The following CDIN1 variants were observed in gnomAD, a reference collection of about 807,000 sequenced individuals.
The protein encoded by CDIN1 is CDAN1-interacting nuclease 1.
In CDIN1, 33 loss-of-function variants were observed where a neutral mutation model predicts 45.3. The observed-to-expected ratio is 0.73, with a 90% CI of 0.55 to 0.97. CDIN1 has a LOEUF of 0.97. Ranked by LOEUF, CDIN1 falls within the 50% of genes least tolerant of loss-of-function variation. The pLI is 0.00. For synonymous variants in CDIN1, 118 were observed against 124.4 expected (o/e 0.95, Z 0.34); for missense variants, 303 against 339.4 (o/e 0.89, Z 0.84).
intron 10 of CDIN1, among the ~76,000 whole-genome samples, chr15:36,745,216 TAA>T (rs1317813487): frequency 6.6e-6 from 1 of 151,518 alleles, no homozygotes; most frequent in Admixed American, 6.5e-5. Flanking sequence ...ATATTTATAT[TAA>T]GTTAAACACT....
intron 5 of CDIN1, among the ~76,000 whole-genome samples, chr15:36,686,706 C>A (rs560853851): frequency 6.6e-6 from 1 of 151,012 alleles, no homozygotes; most frequent in South Asian, 2.1e-4. Flanking sequence ...TAGTGAAACC[C>A]CGTCTCTACT....
intron 4 of CDIN1, among the ~76,000 whole-genome samples, chr15:36,655,846 G>A (rs2040762261): frequency 6.6e-6 from 1 of 152,068 alleles, no homozygotes; most frequent in African/African-American, 2.4e-5. Flanking sequence ...TTATATCATA[G>A]CAATTTATAT....
At chr15:36,733,150 T>C (rs987557033) in intron 10 of CDIN1, among the ~76,000 whole-genome samples, 15 of 152,104 alleles carry the variant, frequency 9.9e-5, no homozygotes, top group Non-Finnish European at 1.8e-4. Flanking sequence ...ATAAATCTTA[T>C]ATTTTAAGCT....
chr15:36,769,954 G>A (rs1192501002), intron 10 of CDIN1, among the ~76,000 whole-genome samples: 1 of 152,134 alleles, frequency 6.6e-6, no homozygotes, highest in African/African-American at 2.4e-5. Flanking sequence ...CTTATGAAAT[G>A]AACCTACAGG....
chr15:36,654,250 A>G (rs1452237912), intron 4 of CDIN1, 92 bp downstream of exon 4: 37 of 968,584 alleles, frequency 3.8e-5, no homozygotes, highest in Admixed American at 3.7e-4. Flanking sequence ...CTACCTTTGG[A>G]AAAAAAAAGG....
At chr15:36,663,228 T>A (rs2041094854) in intron 5 of CDIN1, among the ~76,000 whole-genome samples, 1 of 152,146 alleles carries the variant, frequency 6.6e-6, no homozygotes, top group Non-Finnish European at 1.5e-5. Context: ...TGGGGTTATA[T>A]GATGGAAGAT....
intron 1 of CDIN1, among the ~76,000 whole-genome samples, chr15:36,590,564 G>A (rs899035933): frequency 2.0e-5 from 3 of 152,122 alleles, no homozygotes; most frequent in Admixed American, 1.3e-4. Context: ...AGGTTGTCCT[G>A]GGAGTAGTCG....
intron 10 of CDIN1, among the ~76,000 whole-genome samples, chr15:36,800,907 G>GTATATATATATATATATATA (rs1282877205): frequency 5.4e-4 from 17 of 31,610 alleles, no homozygotes; most frequent in East Asian, 1.3e-3. Context: ...GTGTGTGTGT[G>GTATATATATATATATATATA]TGTATATATA....
At chr15:36,795,914 C>T (rs2054783013) in intron 10 of CDIN1, among the ~76,000 whole-genome samples, 1 of 152,030 alleles carries the variant, frequency 6.6e-6, no homozygotes, top group Non-Finnish European at 1.5e-5. Flanking sequence ...AATGGTTCTT[C>T]CTGCTCTCTA....
chr15:36,597,132 G>T lies in CDIN1; in HGVS notation c.101+17171G>T, dbSNP rs370743605. 2.0e-5 allele frequency among the ~76,000 whole-genome samples: 3 copies of T among 152,274 alleles called. No homozygotes were observed. In the East Asian group the frequency reaches 5.8e-4, roughly 29 times the overall value. On this transcript the variant is annotated intron_variant, in intron 1 of 10. Coordinates refer to ENST00000566621, the MANE Select transcript of CDIN1 (RefSeq NM_001321759.2). ...AATAAAATAAAATGTATGTGCCTAT[G>T]ACAGAGTTATTTTTATAATTGTTTA...
chr15:36,793,513 A>G (rs1202077210), intron 10 of CDIN1, among the ~76,000 whole-genome samples: 2 of 152,170 alleles, frequency 1.3e-5, no homozygotes, highest in Admixed American at 6.6e-5. Flanking sequence ...GGATTAGATA[A>G]ATTACTGTAC....
At chr15:36,586,816 T>C (rs1274340678) in intron 1 of CDIN1, among the ~76,000 whole-genome samples, 2 of 152,266 alleles carry the variant, frequency 1.3e-5, no homozygotes, top group African/African-American at 4.8e-5. Flanking sequence ...GTAACTAATT[T>C]TGGATAGCTT....
intron 7 of CDIN1, among the ~76,000 whole-genome samples, chr15:36,693,126 T>C (rs1248062357): frequency 6.6e-6 from 1 of 152,180 alleles, no homozygotes; most frequent in East Asian, 1.9e-4. Context: ...CGTGTACATG[T>C]ATGTGTTTAT....
At chr15:36,797,274 A>G (rs754930072) in intron 10 of CDIN1, among the ~76,000 whole-genome samples, 6 of 152,192 alleles carry the variant, frequency 3.9e-5, no homozygotes, top group African/African-American at 1.2e-4. Flanking sequence ...AATAAAACAG[A>G]TGAACCTGCT....
chr15:36,598,676 CCTTT>C (rs1351943269), intron 1 of CDIN1, among the ~76,000 whole-genome samples: 1 of 152,006 alleles, frequency 6.6e-6, no homozygotes, highest in Non-Finnish European at 1.5e-5. Context: ...TCCCTTCCTC[CCTTT>C]CTATTTTCCT....
intron 1 of CDIN1, among the ~76,000 whole-genome samples, chr15:36,601,435 C>T (rs1235020920): frequency 2.0e-5 from 3 of 152,164 alleles, no homozygotes; most frequent in South Asian, 4.1e-4. Flanking sequence ...ACAGGTACCT[C>T]TGTGGTCTTT....
intron 1 of CDIN1, among the ~76,000 whole-genome samples, chr15:36,632,226 A>G (rs55635120): frequency 0.048 from 7,281 of 152,232 alleles, 591 homozygotes; most frequent in African/African-American, 0.17. Flanking sequence ...GAGGGTTCCA[A>G]TTTCTCTACA....
At chr15:36,682,482 A>G (rs1384101512) in intron 5 of CDIN1, among the ~76,000 whole-genome samples, 1 of 151,730 alleles carries the variant, frequency 6.6e-6, no homozygotes, top group East Asian at 1.9e-4. Flanking sequence ...CGCACCCAAA[A>G]TGATGTTTGG....
At chr15:36,667,863 T>C (rs1465496552) in intron 5 of CDIN1, among the ~76,000 whole-genome samples, 1 of 152,160 alleles carries the variant, frequency 6.6e-6, no homozygotes, top group South Asian at 2.1e-4. Context: ...TATGAGCTAT[T>C]TTCTTTACAA....
Sources: allele counts gnomAD v4.1 joint callset (sites outside exome capture counted in the v4.1 genomes callset), GRCh38; gene constraint gnomAD v4.1.1; transcripts MANE v1.5; gene names NCBI Gene and HGNC (gene_info 2026-07-23, HGNC 2026-07-21).